LEMD1: variants seen among roughly 807,000 people sequenced by gnomAD.
LEMD1 encodes LEM domain-containing protein 1.
LEMD1 carries 18 observed loss-of-function variants against 17.4 expected under a neutral mutation model. That is an observed-to-expected ratio of 1.04 (90% CI 0.72 to 1.54). LEMD1 has a LOEUF of 1.54. LEMD1 is among the 40% of genes most tolerant of loss of function. The pLI, the probability that LEMD1 is intolerant of heterozygous loss-of-function variation, is 0.00. For missense variants in LEMD1, 195 were observed against 210.4 expected (o/e 0.93, Z 0.45); for synonymous variants, 88 against 77.8 (o/e 1.13, Z -0.69).
chr1:205,419,167 C>A, intron 3 of LEMD1, 63 bp downstream of exon 3: 1 of 1,575,688 alleles, frequency 6.3e-7, no homozygotes, highest in South Asian at 1.1e-5. Context: ...CTGCATAAAT[C>A]ATGCTGGACA....
intron 4 of LEMD1, among the ~76,000 whole-genome samples, chr1:205,412,582 A>C (rs1665500938): frequency 6.6e-6 from 1 of 152,226 alleles, no homozygotes; most frequent in Admixed American, 6.5e-5. Flanking sequence ...AAATGCTCTT[A>C]AGTAATTAAA....
At chr1:205,417,847 A>G (rs77778959) in intron 3 of LEMD1, among the ~76,000 whole-genome samples, 1 of 142,366 alleles carries the variant, frequency 7.0e-6, no homozygotes, top group Non-Finnish European at 1.5e-5. Context: ...AAAAAAAAAA[A>G]TGTAATGTGG....
At chr1:205,395,354 G>C (rs1042076521) in intron 4 of LEMD1, among the ~76,000 whole-genome samples, 5 of 152,086 alleles carry the variant, frequency 3.3e-5, no homozygotes, top group Non-Finnish European at 7.4e-5. Flanking sequence ...CAGCACTTTG[G>C]GAGGCTGAGG....
At chr1:205,418,755 C>T (rs905393496) in intron 3 of LEMD1, among the ~76,000 whole-genome samples, 1 of 152,100 alleles carries the variant, frequency 6.6e-6, no homozygotes, top group Non-Finnish European at 1.5e-5. Flanking sequence ...GCCTCAGGTG[C>T]TCCGCCTGCC....
intron 4 of LEMD1, among the ~76,000 whole-genome samples, chr1:205,408,998 G>A (rs929078202): frequency 6.6e-6 from 1 of 151,730 alleles, no homozygotes; most frequent in Admixed American, 6.6e-5. Context: ...CCACCACACC[G>A]GGCTAATTTT....
chr1:205,399,216 A>C (rs1664726507), intron 4 of LEMD1, among the ~76,000 whole-genome samples: 1 of 151,510 alleles, frequency 6.6e-6, no homozygotes, highest in Admixed American at 6.6e-5. Context: ...CTCCATCTAA[A>C]AAAAAAAAAA....
At chr1:205,391,435 A>G (rs34082731) in intron 4 of LEMD1, among the ~76,000 whole-genome samples, 59,154 of 151,706 alleles carry the variant, frequency 0.39, 11,745 homozygotes, top group South Asian at 0.52. Flanking sequence ...CAAGGGATGC[A>G]GGTGAAAAAA....
chr1:205,427,398 C>A (rs1419459650), intron 1 of LEMD1, among the ~76,000 whole-genome samples: 1 of 151,898 alleles, frequency 6.6e-6, no homozygotes, highest in Admixed American at 6.6e-5. Context: ...TCATAGCTCA[C>A]CCCTTTACCT....
Position 205,419,220 on chromosome 1 carries a change from A to G in LEMD1, c.205+10T>C. The G allele has an allele frequency of 2.5e-6, 4 of 1,613,846 alleles. No individual in the cohort carries two copies. Among genetic ancestry groups the G allele is most frequent in the Non-Finnish European group, 3.4e-6 (4 of 1,179,874 alleles). On this transcript the variant is annotated intron_variant, in intron 3 of 5. Coordinates refer to ENST00000367153, the MANE Select transcript of LEMD1 (RefSeq NM_001199050.2). ...AAGTTGCCATCTAGCAGTACAGCTT[A>G]TGGCGGTACCTTCGCTGTCATCACT...
At chr1:205,438,081 C>G (rs1454353564) in intron 1 of LEMD1, among the ~76,000 whole-genome samples, 1 of 152,190 alleles carries the variant, frequency 6.6e-6, no homozygotes, top group South Asian at 2.1e-4. Flanking sequence ...GGCCAGGGTC[C>G]TAGGCAACAC....
At chr1:205,413,688 T>C (rs998005329) in intron 4 of LEMD1, among the ~76,000 whole-genome samples, 8 of 148,088 alleles carry the variant, frequency 5.4e-5, no homozygotes, top group African/African-American at 2.0e-4. Flanking sequence ...CCTCTCACTC[T>C]GTCACCCAAG....
At chr1:205,440,886 G>A (rs6661017) in intron 1 of LEMD1, 38,850 of 152,336 alleles carry the variant, frequency 0.26, 5,611 homozygotes, top group African/African-American at 0.39. Context: ...ATCAGGCCTG[G>A]GACCTGCTGG....
At chr1:205,431,754 G>A (rs1354137469) in intron 1 of LEMD1, among the ~76,000 whole-genome samples, 1 of 152,012 alleles carries the variant, frequency 6.6e-6, no homozygotes, top group East Asian at 1.9e-4. Flanking sequence ...GTCTTGCTCT[G>A]TTGCCAGGCT....
chr1:205,418,058 T>C (rs1419165896), intron 3 of LEMD1, among the ~76,000 whole-genome samples: 2 of 151,906 alleles, frequency 1.3e-5, no homozygotes, highest in Non-Finnish European at 2.9e-5. Context: ...GGTCCCGCTC[T>C]GCATGGCCCG....
At position 205,381,822 on chromosome 1, in the gene LEMD1, A is replaced by G. The variant is rs373718232; in HGVS notation, c.382T>C (p.Tyr128His). ...AARAPSTRIT[Y>H]GTITKERDYC... is the part of the protein sequence containing the mutation. ...TCTCTCTCTTTGGTGATAGTCCCAT[A>G]TGTGATTCTGGTGCTTGGTGCTCTT... The change falls in exon 6 of 6, where the codon TAT becomes CAT. Residue 128 changes from tyrosine (Y) to histidine (H), a missense_variant. Transcript: ENST00000367153. The G allele has an allele frequency of 1.9e-6, 3 of 1,614,046 alleles. No homozygotes were observed. The highest frequency in any genetic ancestry group is 2.5e-6 in the Non-Finnish European group (3 of 1,180,004).
chr1:205,429,436 G>A (rs12145634), intron 1 of LEMD1, among the ~76,000 whole-genome samples: 8,173 of 152,282 alleles, frequency 0.054, 300 homozygotes, highest in Non-Finnish European at 0.081. Flanking sequence ...GTGTCAGGCA[G>A]ATATGAGGGC....
chr1:205,395,561 T>C (rs1379915845), intron 4 of LEMD1, among the ~76,000 whole-genome samples: 4 of 146,000 alleles, frequency 2.7e-5, no homozygotes, highest in African/African-American at 7.7e-5. Flanking sequence ...GCCATTGCAA[T>C]GTAGCCTGGG....
At chr1:205,381,914 C>T in intron 5 of LEMD1, 58 bp from the exon 6 acceptor site, 5 of 1,559,366 alleles carry the variant, frequency 3.2e-6, no homozygotes, top group Non-Finnish European at 3.5e-6. Context: ...CTTGAGTAGC[C>T]CCTTAAAGTG....
At chr1:205,388,649 C>A (rs1006892178) in intron 4 of LEMD1, among the ~76,000 whole-genome samples, 31 of 152,166 alleles carry the variant, frequency 2.0e-4, no homozygotes, top group Non-Finnish European at 3.7e-4. Context: ...GGCTCCAATG[C>A]TGTAAAAATA....
Sources: allele counts gnomAD v4.1 joint callset (sites outside exome capture counted in the v4.1 genomes callset), GRCh38; gene constraint gnomAD v4.1.1; transcripts MANE v1.5; gene names NCBI Gene and HGNC (gene_info 2026-07-23, HGNC 2026-07-21).